Variants in UTRN observed in about 807,000 individuals in gnomAD.
UTRN encodes the protein utrophin.
Under a neutral mutation model 463.9 loss-of-function variants are expected in UTRN, and 283 were observed. That is an observed-to-expected ratio of 0.61 (90% CI 0.55 to 0.67). The LOEUF is 0.67. Among genes scored for constraint, UTRN ranks in the 30% least tolerant of loss-of-function variants. The pLI, the probability that UTRN is intolerant of heterozygous loss-of-function variation, is 0.00. For synonymous variants in UTRN, 1,442 were observed against 1,431.5 expected (o/e 1.01, Z -0.17); for missense variants, 3,922 against 4,084.3 (o/e 0.96, Z 1.08).
At chr6:144,343,672 G>A (rs979512362) in intron 2 of UTRN, among the ~76,000 whole-genome samples, 1 of 152,112 alleles carries the variant, frequency 6.6e-6, no homozygotes, top group East Asian at 1.9e-4. Context: ...TTCCCTAGTA[G>A]CGAATTCTAA....
intron 57 of UTRN, 28 bp downstream of exon 57, chr6:144,754,826 C>T (rs757270253): frequency 6.3e-7 from 1 of 1,591,792 alleles, no homozygotes; most frequent in Non-Finnish European, 8.6e-7. Flanking sequence ...GGACTGATCG[C>T]ATTAATTGAA....
chr6:144,576,215 T>A (rs1369098791), intron 50 of UTRN, among the ~76,000 whole-genome samples: 2 of 152,190 alleles, frequency 1.3e-5, no homozygotes, highest in Non-Finnish European at 2.9e-5. Context: ...GCTACAAACA[T>A]TTGTGTACAA....
chr6:144,478,953 T>C (rs150107834), intron 25 of UTRN, among the ~76,000 whole-genome samples: 28 of 152,294 alleles, frequency 1.8e-4, no homozygotes, highest in African/African-American at 5.1e-4. Flanking sequence ...TGTGTCTGTG[T>C]GGCATATACA....
At chr6:144,448,542 A>T in intron 16 of UTRN, 58 bp from the exon 17 acceptor site, 1 of 1,563,580 alleles carries the variant, frequency 6.4e-7, no homozygotes, top group Non-Finnish European at 8.7e-7. Flanking sequence ...ATAGCATGTG[A>T]ATTACATCTC....
chr6:144,753,275 G>A (rs1791596967), intron 56 of UTRN, among the ~76,000 whole-genome samples: 1 of 152,144 alleles, frequency 6.6e-6, no homozygotes, highest in African/African-American at 2.4e-5. Context: ...TCTCAGTTTA[G>A]TAACCCTTTA....
chr6:144,288,750 C>G (rs1397800442), intron 1 of UTRN, among the ~76,000 whole-genome samples: 1 of 150,174 alleles, frequency 6.7e-6, no homozygotes, highest in Non-Finnish European at 1.5e-5. Flanking sequence ...AACTCTCTCT[C>G]TCTCTCTTTT....
At chr6:144,410,833 A>G (rs550316453) in intron 3 of UTRN, among the ~76,000 whole-genome samples, 1 of 150,154 alleles carries the variant, frequency 6.7e-6, no homozygotes, top group African/African-American at 2.5e-5. Context: ...TATACACACC[A>G]CAATTTCTTT....
At chr6:144,411,999 G>T (rs1185715025) in intron 3 of UTRN, among the ~76,000 whole-genome samples, 2 of 152,152 alleles carry the variant, frequency 1.3e-5, no homozygotes, top group African/African-American at 2.4e-5. Context: ...TTATTGCAGT[G>T]CCCTCATTTT....
In UTRN at chr6:144,448,695, A is replaced by G. The variant is rs555633332; in HGVS notation, c.1998A>G (p.Lys666=). Residue 666 remains lysine, a synonymous_variant, in exon 17 of 75, where the codon AAA becomes AAG. Coordinates refer to ENST00000367545, the MANE Select transcript of UTRN (RefSeq NM_007124.3). ...TAAGAGAACAAGCAATTACAAAAAA[A>G]TCTAAGCAGGAACTGCCTCCTCCTC... ...VRVREQAITK[K]SKQELPPPPP... The G allele has an allele frequency of 2.8e-5, 46 of 1,614,056 alleles. No homozygotes were observed. The East Asian group carries it at 6.5e-4, about 23-fold the overall frequency.
chr6:144,367,954 G>A (rs1170082988), intron 2 of UTRN, among the ~76,000 whole-genome samples: 2 of 152,032 alleles, frequency 1.3e-5, no homozygotes, highest in Admixed American at 6.6e-5. Context: ...GCTGATTTTT[G>A]TATTTTTAGT....
rs34459759 is a variant in UTRN, at chr6:144,532,944, CT to C, written c.6058-133del. The C allele has an allele frequency of 1.6e-4, 76 of 483,212 alleles. 1 individual carries two copies. The highest frequency in any genetic ancestry group is 1.2e-3 in the African/African-American group (58 of 50,068). 29.9% of individuals were successfully genotyped at this position (483,212 alleles called of 1,614,324 possible). On this transcript the variant is annotated intron_variant, in intron 42 of 74. Transcript: ENST00000367545. Reference sequence around the variant, plus strand: ...ATGTAATTAAATTGTTTTAAAATGCCTTTTTTTTCTAACATAAAATATCTTT... The same window carrying C: ...ATGTAATTAAATTGTTTTAAAATGCCTTTTTTTCTAACATAAAATATCTTT...
intron 2 of UTRN, among the ~76,000 whole-genome samples, chr6:144,353,420 ATT>A (rs35761189): frequency 1.4e-5 from 2 of 138,834 alleles, no homozygotes; most frequent in Non-Finnish European, 1.5e-5. Flanking sequence ...GGCCCTTCTG[ATT>A]TTTTTTTTTT....
intron 2 of UTRN, among the ~76,000 whole-genome samples, chr6:144,342,342 TACACACACACACACAC>T (rs55809792): frequency 2.9e-5 from 4 of 138,246 alleles, no homozygotes; most frequent in Admixed American, 2.2e-4. Flanking sequence ...GGTACACACA[TACACACACACACACAC>T]ACACACACAC....
chr6:144,683,834 A>C (rs1399165120), intron 52 of UTRN, among the ~76,000 whole-genome samples: 1 of 152,118 alleles, frequency 6.6e-6, no homozygotes, highest in Non-Finnish European at 1.5e-5. Flanking sequence ...GCCAGAAAAC[A>C]CTGGCTGAAA....
At chr6:144,667,471 T>C (rs138741302) in intron 51 of UTRN, among the ~76,000 whole-genome samples, 1 of 152,302 alleles carries the variant, frequency 6.6e-6, no homozygotes, top group African/African-American at 2.4e-5. Flanking sequence ...GATAATGATG[T>C]ATAGGAACTT....
At position 144,730,496 on chromosome 6, in the gene UTRN, G is replaced by A; in HGVS notation, c.7939+10G>A. 2.5e-6 allele frequency: 4 copies of A among 1,602,888 alleles called. No individual in the cohort carries two copies. The highest frequency in any genetic ancestry group is 3.4e-6 in the Non-Finnish European group (4 of 1,174,326). On this transcript the variant is annotated intron_variant, in intron 54 of 74. Coordinates refer to ENST00000367545, the MANE Select transcript of UTRN (RefSeq NM_007124.3). Reference sequence around the variant, plus strand: ...CTACAATCAAAAACAGGTGAGACTGGTTTCTCCACTACATCATAAAAACAC... The same window carrying A: ...CTACAATCAAAAACAGGTGAGACTGATTTCTCCACTACATCATAAAAACAC...
intron 2 of UTRN, among the ~76,000 whole-genome samples, chr6:144,397,651 G>A (rs1369269900): frequency 6.6e-6 from 1 of 151,524 alleles, no homozygotes; most frequent in Admixed American, 6.6e-5. Context: ...TGAGTCTGAG[G>A]CTGAAATGAA....
At chr6:144,754,192 C>G (rs564779996) in intron 56 of UTRN, among the ~76,000 whole-genome samples, 4 of 152,134 alleles carry the variant, frequency 2.6e-5, no homozygotes, top group Non-Finnish European at 5.9e-5. Context: ...CCCCATAACA[C>G]TTTTTACCAT....
intron 51 of UTRN, among the ~76,000 whole-genome samples, chr6:144,622,751 T>C (rs540816849): frequency 1.2e-4 from 19 of 152,214 alleles, no homozygotes; most frequent in Non-Finnish European, 2.4e-4. Flanking sequence ...TTTTAAAATA[T>C]GTTTTCTCAC....
Sources: gnomAD v4.1 joint callset for allele counts (sites outside exome capture counted in the v4.1 genomes callset) on GRCh38, gnomAD v4.1.1 for gene constraint, MANE v1.5 for transcripts, NCBI Gene and HGNC (gene_info 2026-07-23, HGNC 2026-07-21) for gene names.